Variants in AUTS2 observed in about 807,000 individuals in gnomAD.
AUTS2 encodes the protein autism susceptibility gene 2 protein.
AUTS2 carries 17 observed loss-of-function variants against 112.4 expected under a neutral mutation model. That is an observed-to-expected ratio of 0.15 (90% CI 0.10 to 0.23). The LOEUF is 0.23. Ranked by LOEUF, AUTS2 falls within the 10% of genes least tolerant of loss-of-function variation. The probability of loss-of-function intolerance (pLI) is 1.00; values close to 1 mark genes in which losing one functional copy is unlikely to be tolerated. For synonymous variants in AUTS2, 751 were observed against 702.7 expected (o/e 1.07, Z -1.09); for missense variants, 1,510 against 1,701.6 (o/e 0.89, Z 1.98).
intron 5 of AUTS2, among the ~76,000 whole-genome samples, chr7:70,486,061 G>A (rs1284432826): frequency 3.3e-5 from 5 of 151,932 alleles, no homozygotes; most frequent in Non-Finnish European, 5.9e-5. Flanking sequence ...AAGGGGCATC[G>A]GGATAAACTG....
At chr7:70,103,223 GT>G (rs1254987638) in intron 2 of AUTS2, among the ~76,000 whole-genome samples, 1 of 152,166 alleles carries the variant, frequency 6.6e-6, no homozygotes, top group Non-Finnish European at 1.5e-5. Context: ...GTAGCATAAT[GT>G]TTTGGAAATA....
chr7:70,772,643 G>C (rs1790425735), intron 11 of AUTS2, among the ~76,000 whole-genome samples: 1 of 152,144 alleles, frequency 6.6e-6, no homozygotes, highest in Admixed American at 6.5e-5. Context: ...GAATTAAAAG[G>C]CATTAGAGGT....
chr7:70,749,686 T>C (rs1261191612), intron 6 of AUTS2, among the ~76,000 whole-genome samples: 3 of 152,062 alleles, frequency 2.0e-5, no homozygotes, highest in African/African-American at 7.2e-5. Context: ...AGCACCCAGG[T>C]CCCCTGGGCC....
At chr7:69,732,450 A>T (rs1190451172) in intron 1 of AUTS2, among the ~76,000 whole-genome samples, 1 of 152,068 alleles carries the variant, frequency 6.6e-6, no homozygotes, top group Non-Finnish European at 1.5e-5. Context: ...TCAGCCACTA[A>T]GCAAACAATG....
intron 4 of AUTS2, among the ~76,000 whole-genome samples, chr7:70,228,437 T>C (rs968382431): frequency 1.3e-5 from 2 of 151,908 alleles, no homozygotes; most frequent in African/African-American, 4.8e-5. Flanking sequence ...ATTATTGATT[T>C]GATTGGATTT....
intron 5 of AUTS2, among the ~76,000 whole-genome samples, chr7:70,679,621 G>A (rs1055008268): frequency 3.3e-5 from 5 of 151,382 alleles, no homozygotes; most frequent in African/African-American, 1.2e-4. Flanking sequence ...AAAAAATCCT[G>A]AGAGGAAATA....
intron 5 of AUTS2, among the ~76,000 whole-genome samples, chr7:70,580,473 G>A (rs1802382254): frequency 6.6e-6 from 1 of 152,154 alleles, no homozygotes; most frequent in African/African-American, 2.4e-5. Flanking sequence ...AGTAGGAGGG[G>A]ACACAGACTT....
Position 69,731,241 on chromosome 7 carries a change from A to C in AUTS2, c.309+131279A>C, listed in dbSNP as rs902727797. The stretch of plus-strand genomic sequence containing the variant: ...TGGGAGGTCGAGGCTGCAGTGAGCC[A>C]TGATCATGACACTGCACTCTAGCCT... On this transcript the variant is annotated intron_variant, in intron 1 of 18. Coordinates refer to ENST00000342771, the MANE Select transcript of AUTS2 (RefSeq NM_015570.4). Among the ~76,000 whole-genome samples the C allele has an allele frequency of 4.1e-4, 63 of 152,308 alleles. 1 individual carries two copies. Among genetic ancestry groups the C allele is most frequent in the African/African-American group, 1.4e-3 (60 of 41,572 alleles).
intron 2 of AUTS2, among the ~76,000 whole-genome samples, chr7:70,030,970 C>T (rs1183253117): frequency 6.6e-6 from 1 of 152,020 alleles, no homozygotes; most frequent in African/African-American, 2.4e-5. Context: ...CTTGGCTTTT[C>T]TGTGGTGTAA....
At chr7:70,006,412 G>C (rs1296122626) in intron 2 of AUTS2, among the ~76,000 whole-genome samples, 4 of 152,088 alleles carry the variant, frequency 2.6e-5, no homozygotes, top group African/African-American at 7.2e-5. Context: ...TTCAGATGTT[G>C]TCTGAACAAA....
chr7:70,008,685 A>G (rs1799655493), intron 2 of AUTS2, among the ~76,000 whole-genome samples: 1 of 152,230 alleles, frequency 6.6e-6, no homozygotes, highest in Non-Finnish European at 1.5e-5. Context: ...TGTCAGGAAA[A>G]TTAAAGGAAG....
intron 1 of AUTS2, among the ~76,000 whole-genome samples, chr7:69,704,000 C>G (rs961599315): frequency 1.3e-5 from 2 of 152,202 alleles, no homozygotes; most frequent in African/African-American, 4.8e-5. Context: ...GTCCTGGCTG[C>G]TGTGCTTCTG....
chr7:69,977,477 G>A (rs919478027), intron 2 of AUTS2, among the ~76,000 whole-genome samples: 1 of 152,144 alleles, frequency 6.6e-6, no homozygotes, highest in African/African-American at 2.4e-5. Context: ...TGCTAAAATT[G>A]CCATTGGGAT....
chr7:70,674,568 G>A (rs1293592128), intron 5 of AUTS2, among the ~76,000 whole-genome samples: 2 of 152,172 alleles, frequency 1.3e-5, no homozygotes, highest in African/African-American at 2.4e-5. Flanking sequence ...ATCACCTAAC[G>A]CGATCCCGCG....
intron 4 of AUTS2, among the ~76,000 whole-genome samples, chr7:70,422,863 C>T (rs1461080477): frequency 1.3e-5 from 2 of 152,156 alleles, no homozygotes; most frequent in African/African-American, 2.4e-5. Context: ...ATGCCGCCAA[C>T]CACTGTCTCT....
chr7:70,727,088 G>A (rs915819038), intron 6 of AUTS2, among the ~76,000 whole-genome samples: 11 of 152,082 alleles, frequency 7.2e-5, no homozygotes, highest in East Asian at 1.9e-4. Flanking sequence ...TATTAACATC[G>A]GTAATGTAAC....
At position 70,038,741 on chromosome 7, in the gene AUTS2, A is replaced by G. The variant is rs896021079; in HGVS notation, c.523-79391A>G. Among the ~76,000 whole-genome samples the G allele has an allele frequency of 2.6e-5, 4 of 152,204 alleles. No individual in the cohort carries two copies. In the East Asian group the frequency reaches 5.8e-4, roughly 22 times the overall value. On this transcript the variant is annotated intron_variant, in intron 2 of 18. Coordinates refer to ENST00000342771, the MANE Select transcript of AUTS2 (RefSeq NM_015570.4). Reference sequence around the variant, plus strand: ...AGCCATGTGAGTTTGGGAAAGTGGCATCACTTTCCTGAGCCCTGGGTTTCT... The same window carrying G: ...AGCCATGTGAGTTTGGGAAAGTGGCGTCACTTTCCTGAGCCCTGGGTTTCT...
chr7:69,879,119 T>C (rs1178235469), intron 1 of AUTS2, among the ~76,000 whole-genome samples: 1 of 69,652 alleles, frequency 1.4e-5, no homozygotes, highest in Non-Finnish European at 2.7e-5. Context: ...TTTGAGACTT[T>C]CTGTGTGTGT....
chr7:70,648,244 C>G (rs904361196), intron 5 of AUTS2, among the ~76,000 whole-genome samples: 1 of 152,166 alleles, frequency 6.6e-6, no homozygotes, highest in Non-Finnish European at 1.5e-5. Flanking sequence ...ACTCCGCCCC[C>G]CTCCACCACC....
Sources: gnomAD v4.1 joint callset for allele counts (sites outside exome capture counted in the v4.1 genomes callset) on GRCh38, gnomAD v4.1.1 for gene constraint, MANE v1.5 for transcripts, NCBI Gene and HGNC (gene_info 2026-07-23, HGNC 2026-07-21) for gene names.